Variants in ANKRD30BL observed in about 807,000 individuals in gnomAD.
ANKRD30BL encodes ankyrin repeat domain 30B like, also known as putative ankyrin repeat domain-containing protein 30B-like.
Under a neutral mutation model 18.4 loss-of-function variants are expected in ANKRD30BL, and 20 were observed. The observed-to-expected ratio is 1.09, with a 90% CI of 0.77 to 1.58. The LOEUF is 1.58. ANKRD30BL is among the 40% of genes most tolerant of loss of function. The pLI is 0.00. For missense variants in ANKRD30BL, 224 were observed against 268.6 expected, an observed-to-expected ratio of 0.83 and a Z score of 1.16; for synonymous variants, 72 against 100.9, an observed-to-expected ratio of 0.71 and a Z score of 1.72.
intron 4 of ANKRD30BL, among the ~76,000 whole-genome samples, chr2:132,151,260 T>C (rs956222341): frequency 2.0e-5 from 3 of 152,178 alleles, no homozygotes; most frequent in African/African-American, 7.2e-5. Context: ...GAATAAGTCC[T>C]AGCATGGCTA....
chr2:132,167,367 C>G (rs1688208062), intron 1 of ANKRD30BL, among the ~76,000 whole-genome samples: 1 of 148,530 alleles, frequency 6.7e-6, no homozygotes, highest in Admixed American at 6.8e-5. Flanking sequence ...CACTCTGTCA[C>G]ACAGGCTGGA....
intron 1 of ANKRD30BL, among the ~76,000 whole-genome samples, chr2:132,234,512 C>T (rs531929667): frequency 6.6e-6 from 1 of 152,010 alleles, no homozygotes; most frequent in South Asian, 2.1e-4. Flanking sequence ...GATATCACCA[C>T]CGATCTCACA....
chr2:132,191,707 G>A (rs1678853432), intron 1 of ANKRD30BL, among the ~76,000 whole-genome samples: 1 of 143,544 alleles, frequency 7.0e-6, no homozygotes, highest in Non-Finnish European at 1.5e-5. Flanking sequence ...TTTTGTTATT[G>A]TGTTGTTTGA....
chr2:132,232,066 C>G (rs920778664), intron 1 of ANKRD30BL, among the ~76,000 whole-genome samples: 1 of 152,190 alleles, frequency 6.6e-6, no homozygotes. Context: ...CACTCCCCAG[C>G]AGGGGCACAC....
chr2:132,227,667 C>T (rs528510417), intron 1 of ANKRD30BL, among the ~76,000 whole-genome samples: 230 of 151,672 alleles, frequency 1.5e-3, no homozygotes, highest in African/African-American at 4.7e-3. Flanking sequence ...TTGTAGAATC[C>T]GCTAGTGGAC....
intron 1 of ANKRD30BL, among the ~76,000 whole-genome samples, chr2:132,190,404 CA>C (rs1678823140): frequency 6.6e-6 from 1 of 151,024 alleles, no homozygotes; most frequent in Non-Finnish European, 1.5e-5. Context: ...ACTTTCCAAA[CA>C]TAAAAAACAG....
chr2:132,168,311 T>C (rs1246966074), intron 1 of ANKRD30BL, among the ~76,000 whole-genome samples: 1 of 152,212 alleles, frequency 6.6e-6, no homozygotes, highest in Non-Finnish European at 1.5e-5. Flanking sequence ...AATTGTTTGC[T>C]TTCTTGTGAA....
intron 1 of ANKRD30BL, among the ~76,000 whole-genome samples, chr2:132,223,746 G>A (rs1679762349): frequency 6.6e-6 from 1 of 152,074 alleles, no homozygotes; most frequent in Admixed American, 6.6e-5. Flanking sequence ...GAATCTGCAA[G>A]TGGACATTTG....
intron 1 of ANKRD30BL, among the ~76,000 whole-genome samples, chr2:132,195,235 T>C (rs1002638471): frequency 5.9e-5 from 9 of 152,236 alleles, no homozygotes; most frequent in Non-Finnish European, 1.3e-4. Context: ...TTATGGAATA[T>C]ACAGAAGTGT....
At position 132,213,565 on chromosome 2, in the gene ANKRD30BL, G is replaced by A. The variant is rs549434203; in HGVS notation, n.441+43964C>T. 3.3e-5 allele frequency among the ~76,000 whole-genome samples: 5 copies of A among 152,386 alleles called. No homozygotes were observed. The East Asian group carries it at 9.6e-4, about 29-fold the overall frequency. ...AGAGTTGAACCATACTTTTGATTGA[G>A]CAGCTTTGAAAAACTCTTTTTTAGA... On this transcript the variant is annotated intron_variant and non_coding_transcript_variant, in intron 1 of 4. Transcript: ENST00000470729.
chr2:132,167,531 C>T (rs961637302), intron 1 of ANKRD30BL, among the ~76,000 whole-genome samples: 1 of 151,992 alleles, frequency 6.6e-6, no homozygotes, highest in Non-Finnish European at 1.5e-5. Context: ...TCATGTTGGT[C>T]GGGCTAGCCT....
intron 1 of ANKRD30BL, among the ~76,000 whole-genome samples, chr2:132,222,218 G>C (rs543400489): frequency 7.1e-6 from 1 of 140,566 alleles, no homozygotes; most frequent in Non-Finnish European, 1.6e-5. Flanking sequence ...TGGTGGGGGG[G>C]TCAGCCCCCC....
chr2:132,190,343 C>T lies in ANKRD30BL; in HGVS notation n.442-33197G>A, dbSNP rs1179083951. On this transcript the variant is annotated intron_variant and non_coding_transcript_variant, in intron 1 of 4. Coordinates refer to the ANKRD30BL transcript ENST00000470729. ...CTATTCCCTCAACAACTAGTTACTT[C>T]TGCTTCGAGTACATGTTTTCCAAAA... Among the ~76,000 whole-genome samples, 6 of 151,750 alleles carry T rather than the reference C, an allele frequency of 4.0e-5. No homozygotes were observed. In the South Asian group the frequency reaches 6.2e-4, roughly 16 times the overall value.
intron 1 of ANKRD30BL, among the ~76,000 whole-genome samples, chr2:132,171,995 T>C (rs1474570824): frequency 1.3e-5 from 2 of 152,254 alleles, no homozygotes; most frequent in African/African-American, 4.8e-5. Flanking sequence ...CTAAGCATAG[T>C]GTTTTCAAAG....
intron 1 of ANKRD30BL, among the ~76,000 whole-genome samples, chr2:132,253,458 G>T (rs75661090): frequency 6.6e-6 from 1 of 152,146 alleles, no homozygotes; most frequent in African/African-American, 2.4e-5. Context: ...ACAGAGAGGT[G>T]GTGCCGACCA....
At chr2:132,220,705 G>C (rs1482259368) in intron 1 of ANKRD30BL, among the ~76,000 whole-genome samples, 2 of 152,044 alleles carry the variant, frequency 1.3e-5, no homozygotes, top group African/African-American at 4.8e-5. Context: ...GCGTGATCTC[G>C]GCTCGCTACA....
chr2:132,234,888 G>C (rs1680113440), intron 1 of ANKRD30BL, among the ~76,000 whole-genome samples: 1 of 152,074 alleles, frequency 6.6e-6, no homozygotes, highest in African/African-American at 2.4e-5. Context: ...AACCAAAAAA[G>C]AGAATTTTAG....
intron 1 of ANKRD30BL, among the ~76,000 whole-genome samples, chr2:132,175,197 T>TTTA (rs1320487648): frequency 1.6e-5 from 2 of 121,548 alleles, no homozygotes; most frequent in African/African-American, 6.6e-5. Context: ...TCCCTCAGTT[T>TTTA]TTATTATTAT....
At chr2:132,225,611 T>A (rs573841530) in intron 1 of ANKRD30BL, among the ~76,000 whole-genome samples, 2 of 152,222 alleles carry the variant, frequency 1.3e-5, no homozygotes, top group East Asian at 3.9e-4. Context: ...TTGTAGAGTC[T>A]ACAAGTGGAT....
Sources: allele counts gnomAD v4.1 joint callset (sites outside exome capture counted in the v4.1 genomes callset), GRCh38; gene constraint gnomAD v4.1.1; transcripts MANE v1.5; gene names NCBI Gene and HGNC (gene_info 2026-07-23, HGNC 2026-07-21).